Variants in DAGLB observed in about 807,000 individuals in gnomAD.
DAGLB encodes diacylglycerol lipase beta, also known as diacylglycerol lipase-beta.
DAGLB carries 66 observed loss-of-function variants against 72.1 expected under a neutral mutation model. That is an observed-to-expected ratio of 0.92 (90% CI 0.75 to 1.12). The LOEUF is 1.12. Among genes scored for constraint, DAGLB ranks in the 50% most tolerant of loss-of-function variants. DAGLB has a pLI of 0.00. For missense variants in DAGLB, 1,065 were observed against 884.9 expected (o/e 1.20, Z -2.58); for synonymous variants, 414 against 359.5 (o/e 1.15, Z -1.71).
intron 10 of DAGLB, 21 bp from the exon 11 acceptor site, chr7:6,416,775 T>C: frequency 6.2e-7 from 1 of 1,613,786 alleles, no homozygotes; most frequent in South Asian, 1.1e-5. Context: ...GACAGCAGAA[T>C]GAGGTGAAGG....
intron 2 of DAGLB, 157 bp downstream of exon 2, chr7:6,445,796 G>T: frequency 1.3e-6 from 1 of 797,022 alleles, no homozygotes; most frequent in Non-Finnish European, 1.9e-6. Flanking sequence ...TGAAGAAAAT[G>T]GTATAAACTT....
chr7:6,436,374 G>A lies in DAGLB; in HGVS notation c.407C>T (p.Thr136Ile), dbSNP rs200964666. The A allele has an allele frequency of 1.2e-5, 19 of 1,608,912 alleles. No individual in the cohort carries two copies. Among genetic ancestry groups the A allele is most frequent in the Non-Finnish European group, 1.6e-5 (19 of 1,178,540 alleles). The change falls in exon 3 of 15, where the codon ACC becomes ATC. Residue 136 changes from threonine (T) to isoleucine (I), a missense_variant. Coordinates refer to ENST00000297056, the MANE Select transcript of DAGLB (RefSeq NM_139179.4). Reference protein sequence around the residue: ...DRTVVNGIIATVVVSWIIIAA... With the variant: ...DRTVVNGIIAIVVVSWIIIAA... ...AGGGAGATGTCACCTGACCACGACG[G>A]TTGCGATGATGCCGTTTACAACTGT...
At position 6,416,679 on chromosome 7, in the gene DAGLB, C is replaced by CGGCTCTGAGCATGGTGGCCAGCAG; in HGVS notation, c.1351_1374dup (p.Leu451_Ala458dup). On this transcript the variant is annotated inframe_insertion, in exon 11 of 15. Transcript: ENST00000297056. Reference sequence around the variant, plus strand: ...GCGTAGCACCTGACCTGCGGGTAGGCGGCTCTGAGCATGGTGGCCAGCAGG... The same window carrying CGGCTCTGAGCATGGTGGCCAGCAG: ...GCGTAGCACCTGACCTGCGGGTAGGCGGCTCTGAGCATGGTGGCCAGCAGGGCTCTGAGCATGGTGGCCAGCAGG... 1.2e-6 allele frequency: 2 copies of CGGCTCTGAGCATGGTGGCCAGCAG among 1,613,648 alleles called. No homozygotes were observed. Among genetic ancestry groups the CGGCTCTGAGCATGGTGGCCAGCAG allele is most frequent in the Non-Finnish European group, 1.7e-6 (2 of 1,179,814 alleles).
intron 1 of DAGLB, 29 bp from the exon 2 acceptor site, chr7:6,446,133 G>C (rs1784992550): frequency 1.3e-6 from 2 of 1,581,180 alleles, no homozygotes; most frequent in African/African-American, 1.4e-5. Flanking sequence ...GGAAGGGTCA[G>C]AAATGAAATC....
At chr7:6,439,193 T>G (rs1183308641) in intron 2 of DAGLB, among the ~76,000 whole-genome samples, 1 of 150,198 alleles carries the variant, frequency 6.7e-6, no homozygotes, top group Non-Finnish European at 1.5e-5. Context: ...ATGCGGAGGT[T>G]GCAGTAAGCC....
intron 9 of DAGLB, among the ~76,000 whole-genome samples, chr7:6,420,492 G>A (rs1457384714): frequency 1.3e-5 from 2 of 151,918 alleles, no homozygotes; most frequent in Non-Finnish European, 2.9e-5. Context: ...AATCCTGTAC[G>A]ATTCCACTTC....
intron 11 of DAGLB, 128 bp from the exon 12 acceptor site, chr7:6,413,162 A>G (rs836496): frequency 0.024 from 23,330 of 972,318 alleles, 1,427 homozygotes; most frequent in African/African-American, 0.18. Flanking sequence ...TCTTCTCTAA[A>G]GGGAGGGTAG....
intron 6 of DAGLB, among the ~76,000 whole-genome samples, chr7:6,426,759 A>G (rs1001109021): frequency 1.3e-5 from 2 of 152,244 alleles, no homozygotes; most frequent in Non-Finnish European, 1.5e-5. Flanking sequence ...CCAACTCCGT[A>G]GAAAATAAAC....
In DAGLB at chr7:6,410,294, C is replaced by T; in HGVS notation, c.1656G>A (p.Gln552=). 1 of 1,613,978 alleles carries T rather than the reference C, an allele frequency of 6.2e-7. No individual in the cohort carries two copies. Among genetic ancestry groups the T allele is most frequent in the Non-Finnish European group, 8.5e-7 (1 of 1,179,962 alleles). ...CCAGAAGAGGCTGTGTCAGGACTTC[C>T]TGGTCGCCCCCGTCCAGCTCCGTGG... ...NLPTELDGGD[Q]EVLTQPLLGE... is the part of the protein sequence containing the mutation. Residue 552 remains glutamine (Q), a synonymous_variant, in exon 14 of 15, where the codon CAG becomes CAA. Coordinates refer to ENST00000297056, the MANE Select transcript of DAGLB (RefSeq NM_139179.4).
At chr7:6,430,285 A>ATATATATATATGT (rs1784444801) in intron 6 of DAGLB, among the ~76,000 whole-genome samples, 195 bp downstream of exon 6, 1 of 98,416 alleles carries the variant, frequency 1.0e-5, no homozygotes, top group Non-Finnish European at 2.0e-5. Context: ...ATATATATGC[A>ATATATATATATGT]GGGGGGAGGG....
chr7:6,412,994 G>C lies in DAGLB; in HGVS notation c.1468C>G (p.Leu490Val). The C allele has an allele frequency of 1.9e-6, 3 of 1,614,016 alleles. No individual in the cohort carries two copies. Among genetic ancestry groups the C allele is most frequent in the Non-Finnish European group, 2.5e-6 (3 of 1,179,942 alleles). The change falls in exon 12 of 15, where the codon CTC (leucine) becomes GTC (valine). Residue 490 changes from leucine (L) to valine (V), a missense_variant. Transcript: ENST00000297056. ...GGAATCACATCCTTCCCCAGGACGA[G>C]TGACACGATGAAGCTCTGAGAATAT... is the stretch of plus-strand genomic sequence containing the variant. Reference protein sequence around the residue: ...QEYSQSFIVSLVLGKDVIPRL... With the variant: ...QEYSQSFIVSVVLGKDVIPRL...
intron 1 of DAGLB, among the ~76,000 whole-genome samples, chr7:6,446,648 G>C (rs1785014454): frequency 6.6e-6 from 1 of 151,502 alleles, no homozygotes; most frequent in South Asian, 2.1e-4. Context: ...TTCCTGCCTT[G>C]GCCTCCCAAA....
intron 7 of DAGLB, among the ~76,000 whole-genome samples, chr7:6,425,559 T>C (rs574470968): frequency 6.6e-6 from 1 of 152,076 alleles, no homozygotes; most frequent in Non-Finnish European, 1.5e-5. Flanking sequence ...CGTGAGCCAC[T>C]GTGCCCGGCC....
intron 1 of DAGLB, among the ~76,000 whole-genome samples, chr7:6,446,477 C>CAAAAAAAAA (rs748156438): frequency 7.8e-4 from 46 of 58,656 alleles, no homozygotes; most frequent in East Asian, 6.1e-3. Context: ...GACTCCGTCT[C>CAAAAAAAAA]AAAAAAAAAA....
chr7:6,412,782 C>G, intron 13 of DAGLB, 29 bp downstream of exon 13: 1 of 1,563,696 alleles, frequency 6.4e-7, no homozygotes, highest in South Asian at 1.2e-5. Context: ...CCGTGTCCTG[C>G]TGACCCTCTC....
chr7:6,410,432 G>A lies in DAGLB; in HGVS notation c.1570-52C>T, dbSNP rs73676732. On this transcript the variant is annotated intron_variant, in intron 13 of 14. Coordinates refer to ENST00000297056, the MANE Select transcript of DAGLB (RefSeq NM_139179.4). ...TGCTGTCACTCACCCTCTGTCACCCGAGACCTCCCGAAACACCAAGGCGGA... is the reference window on the plus strand; with the variant it reads ...TGCTGTCACTCACCCTCTGTCACCCAAGACCTCCCGAAACACCAAGGCGGA... 3,537 of 1,544,836 alleles carry A rather than the reference G, an allele frequency of 2.3e-3. 82 individuals carry two copies. In the African/African-American group the frequency reaches 0.044, roughly 19 times the overall value.
intron 13 of DAGLB, among the ~76,000 whole-genome samples, chr7:6,410,880 A>ATTTTTT (rs35960882): frequency 3.1e-5 from 3 of 98,232 alleles, no homozygotes; most frequent in Non-Finnish European, 5.7e-5. Context: ...AATTTTTTGT[A>ATTTTTT]TTTTTTTTTT....
At chr7:6,433,078 C>A in intron 4 of DAGLB, 119 bp from the exon 5 acceptor site, 2 of 1,418,332 alleles carry the variant, frequency 1.4e-6, no homozygotes, top group Non-Finnish European at 1.8e-6. Context: ...TTTCTAGACA[C>A]AGAGGTATGT....
At chr7:6,427,563 T>C (rs1784351658) in intron 6 of DAGLB, among the ~76,000 whole-genome samples, 1 of 152,014 alleles carries the variant, frequency 6.6e-6, no homozygotes, top group Non-Finnish European at 1.5e-5. Flanking sequence ...GAGGCTGAGG[T>C]GAGAGAACCC....
Sources: allele counts gnomAD v4.1 joint callset (sites outside exome capture counted in the v4.1 genomes callset), GRCh38; gene constraint gnomAD v4.1.1; transcripts MANE v1.5; gene names NCBI Gene and HGNC (gene_info 2026-07-23, HGNC 2026-07-21).